ARL13B: variants seen among roughly 807,000 people sequenced by gnomAD.
ARL13B encodes ADP-ribosylation factor-like protein 13B.
ARL13B carries 36 observed loss-of-function variants against 56.1 expected under a neutral mutation model. The ratio of observed to expected loss-of-function variants is 0.64; its 90% confidence interval spans 0.49 to 0.85. ARL13B has a LOEUF of 0.85. Ranked by LOEUF, ARL13B falls within the 40% of genes least tolerant of loss-of-function variation. ARL13B has a pLI of 0.00. For synonymous variants in ARL13B, 178 were observed against 171.1 expected, an observed-to-expected ratio of 1.04 and a Z score of -0.32; for missense variants, 519 against 507.1, an observed-to-expected ratio of 1.02 and a Z score of -0.23.
chr3:94,035,502 GT>G, intron 4 of ARL13B, 66 bp downstream of exon 4: 2 of 1,179,438 alleles, frequency 1.7e-6, no homozygotes, highest in Non-Finnish European at 2.4e-6. Flanking sequence ...GTATAACTTG[GT>G]TTTTATAAAA....
At chr3:94,043,428 G>A (rs1205598613) in intron 7 of ARL13B, among the ~76,000 whole-genome samples, 188 bp downstream of exon 7, 1 of 150,692 alleles carries the variant, frequency 6.6e-6, no homozygotes, top group Admixed American at 6.6e-5. Context: ...GTTTTTCCAT[G>A]ACTTAAAATG....
Position 94,053,833 on chromosome 3 carries a change from TA to T in ARL13B, c.*571del, listed in dbSNP as rs1351444504. ...TTGATTTACTTTCAGACATGAACTATACAAACAGGATATATTTATATGGCTT... is the reference window on the plus strand; with the variant it reads ...TTGATTTACTTTCAGACATGAACTATCAAACAGGATATATTTATATGGCTT... On this transcript the variant is annotated 3_prime_UTR_variant, in exon 10 of 10. Transcript: ENST00000394222. 6.6e-6 allele frequency: 2 copies of T among 302,104 alleles called. No individual in the cohort carries two copies. Among genetic ancestry groups the T allele is most frequent in the African/African-American group, 4.4e-5 (2 of 45,228 alleles). The allele number at this position is 302,104 out of a possible 1,614,324, so 18.7% of individuals were successfully genotyped here. A position where few individuals can be genotyped will look rare whatever the true frequency, so the allele number is the denominator to read the frequency against.
intron 3 of ARL13B, among the ~76,000 whole-genome samples, chr3:94,024,119 G>GT (rs1163211411): frequency 2.0e-5 from 3 of 152,206 alleles, no homozygotes; most frequent in Admixed American, 2.0e-4. Context: ...ACTATGAATT[G>GT]TTTTTTAAAA....
intron 5 of ARL13B, among the ~76,000 whole-genome samples, chr3:94,037,421 GAAGGAA>G (rs1377751591): frequency 1.3e-5 from 2 of 152,110 alleles, no homozygotes; most frequent in African/African-American, 2.4e-5. Context: ...CTTATACCGT[GAAGGAA>G]ATCCTCTGAT....
intron 7 of ARL13B, among the ~76,000 whole-genome samples, chr3:94,044,085 A>G (rs1028363234): frequency 3.3e-5 from 5 of 151,584 alleles, no homozygotes; most frequent in Non-Finnish European, 7.4e-5. Context: ...CACCCCGTCT[A>G]GGAAGTGAGC....
intron 7 of ARL13B, among the ~76,000 whole-genome samples, chr3:94,047,623 AC>A (rs1428119904): frequency 2.6e-5 from 4 of 152,146 alleles, no homozygotes; most frequent in Non-Finnish European, 5.9e-5. Context: ...AAATGAAGAA[AC>A]CAGGGACTTG....
intron 1 of ARL13B, among the ~76,000 whole-genome samples, chr3:93,981,699 T>C (rs746025725): frequency 6.6e-6 from 1 of 151,754 alleles, no homozygotes; most frequent in East Asian, 1.9e-4. Context: ...CTGGTCAATA[T>C]GGCGAAACCC....
intron 3 of ARL13B, among the ~76,000 whole-genome samples, chr3:94,013,074 A>G (rs1268032648): frequency 6.6e-6 from 1 of 152,038 alleles, no homozygotes; most frequent in Non-Finnish European, 1.5e-5. Context: ...ACTATGCCCC[A>G]GCTGGATTGT....
At chr3:94,010,831 A>C (rs2076212585) in intron 3 of ARL13B, among the ~76,000 whole-genome samples, 1 of 152,070 alleles carries the variant, frequency 6.6e-6, no homozygotes, top group Non-Finnish European at 1.5e-5. Flanking sequence ...ATCTGGATAT[A>C]ATTGTACTAA....
chr3:93,990,946 G>C (rs2075864959), intron 1 of ARL13B, among the ~76,000 whole-genome samples: 1 of 152,122 alleles, frequency 6.6e-6, no homozygotes, highest in African/African-American at 2.4e-5. Flanking sequence ...ACTTTGGGCT[G>C]GATAAAGTCC....
chr3:93,996,414 T>C (rs1232007025), intron 2 of ARL13B: 2 of 172,942 alleles, frequency 1.2e-5, no homozygotes, highest in Non-Finnish European at 2.5e-5. Flanking sequence ...TCTATATCAT[T>C]AAACGGCTTT....
chr3:94,020,380 C>T (rs1318193439), intron 3 of ARL13B, among the ~76,000 whole-genome samples: 2 of 152,120 alleles, frequency 1.3e-5, no homozygotes, highest in African/African-American at 4.8e-5. Context: ...ATGTTGTCAG[C>T]TAGTGGTAGA....
At chr3:94,035,095 C>T (rs1458493146) in intron 3 of ARL13B, among the ~76,000 whole-genome samples, 1 of 151,968 alleles carries the variant, frequency 6.6e-6, no homozygotes, top group African/African-American at 2.4e-5. Flanking sequence ...AAATTAGCCT[C>T]GCGTGGTGGC....
At chr3:94,015,185 C>G in intron 3 of ARL13B, 1 of 1,613,668 alleles carries the variant, frequency 6.2e-7, no homozygotes, top group Non-Finnish European at 8.5e-7. Flanking sequence ...CCTTGTTCCT[C>G]TGTTTCTGTA....
intron 2 of ARL13B, among the ~76,000 whole-genome samples, chr3:93,997,368 A>T (rs1477753445): frequency 1.3e-5 from 2 of 152,310 alleles, no homozygotes; most frequent in African/African-American, 4.8e-5. Flanking sequence ...GTAAGATATC[A>T]TGCTTACTAA....
rs1560004635 is a variant in ARL13B, at chr3:94,036,736, GA to G, written c.675del (p.Lys225AsnfsTer36). 1 of 1,611,768 alleles carries G rather than the reference GA, an allele frequency of 6.2e-7. No homozygotes were observed. Among genetic ancestry groups the G allele is most frequent in the East Asian group, 2.2e-5 (1 of 44,672 alleles). The part of the protein sequence containing the change: ...QEKQERAERV[R>X]KLREERKQNE... ...AAACAAGAAAGAGCTGAACGAGTGC[GA>G]AAATTACGAGAAGAAAGGTAAGTAG... On this transcript the variant is annotated frameshift_variant, in exon 5 of 10. Coordinates refer to ENST00000394222, the MANE Select transcript of ARL13B (RefSeq NM_001174150.2). LOFTEE classifies it high-confidence loss of function.
chr3:94,016,357 A>G (rs1382349814), intron 3 of ARL13B, among the ~76,000 whole-genome samples: 1 of 152,190 alleles, frequency 6.6e-6, no homozygotes, highest in Non-Finnish European at 1.5e-5. Flanking sequence ...TGATATGTTT[A>G]TGGAAATATT....
At chr3:94,047,834 C>T (rs551967041) in intron 7 of ARL13B, 1 of 152,142 alleles carries the variant, frequency 6.6e-6, no homozygotes, top group East Asian at 1.9e-4. Flanking sequence ...TGTACAAAGA[C>T]CTATTTGTTT....
At chr3:93,980,829 G>T (rs1489104911) in intron 1 of ARL13B, among the ~76,000 whole-genome samples, 2 of 152,196 alleles carry the variant, frequency 1.3e-5, no homozygotes, top group South Asian at 2.1e-4. Context: ...TTTAAAAAGA[G>T]GGGGACATGG....
Sources: gnomAD v4.1 joint callset for allele counts (sites outside exome capture counted in the v4.1 genomes callset) on GRCh38, gnomAD v4.1.1 for gene constraint, MANE v1.5 for transcripts, NCBI Gene and HGNC (gene_info 2026-07-23, HGNC 2026-07-21) for gene names.